Variants in PLCXD3 observed in about 807,000 individuals in gnomAD.
PLCXD3 encodes phosphatidylinositol specific phospholipase C X domain containing 3.
In PLCXD3, 19 loss-of-function variants were observed where a neutral mutation model predicts 25.5. That is an observed-to-expected ratio of 0.75 (90% CI 0.52 to 1.09). PLCXD3 has a LOEUF of 1.09. Among genes scored for constraint, PLCXD3 ranks in the 50% least tolerant of loss-of-function variants. The probability of loss-of-function intolerance (pLI) is 0.00; values close to 1 mark genes in which losing one functional copy is unlikely to be tolerated. For synonymous variants in PLCXD3, 174 were observed against 137.6 expected, an observed-to-expected ratio of 1.26 and a Z score of -1.85; for missense variants, 411 against 388.1, an observed-to-expected ratio of 1.06 and a Z score of -0.50.
chr5:41,476,252 G>C (rs1048346344), intron 1 of PLCXD3, among the ~76,000 whole-genome samples: 1 of 152,186 alleles, frequency 6.6e-6, no homozygotes, highest in Non-Finnish European at 1.5e-5. Flanking sequence ...TAGCAGGCCT[G>C]ATTGCTATCC....
intron 1 of PLCXD3, among the ~76,000 whole-genome samples, chr5:41,502,072 G>A (rs1748963231): frequency 6.6e-6 from 1 of 152,094 alleles, no homozygotes; most frequent in African/African-American, 2.4e-5. Flanking sequence ...TCCCATAGAG[G>A]TGGAGAAAAC....
At chr5:41,337,088 A>G (rs1744004097) in intron 2 of PLCXD3, among the ~76,000 whole-genome samples, 2 of 152,120 alleles carry the variant, frequency 1.3e-5, no homozygotes, top group Admixed American at 6.6e-5. Flanking sequence ...AAATGCCACC[A>G]GGGTAGGTTT....
chr5:41,376,496 C>T (rs773391094), intron 2 of PLCXD3, among the ~76,000 whole-genome samples: 163 of 152,092 alleles, frequency 1.1e-3, no homozygotes, highest in Non-Finnish European at 1.6e-3. Flanking sequence ...ACTTTTTCCT[C>T]GACTCATCCC....
Position 41,350,366 on chromosome 5 carries a change from T to G in PLCXD3, c.812+31460A>C, listed in dbSNP as rs531535851. On this transcript the variant is annotated intron_variant, in intron 2 of 2. Coordinates refer to ENST00000377801, the MANE Select transcript of PLCXD3 (RefSeq NM_001005473.3). ...TCTTCATCTTCTCTCTGATTCTTTT[T>G]CTTTACTTGCCCTGTTTCTCCATTC... is the stretch of plus-strand genomic sequence containing the variant. Among the ~76,000 whole-genome samples, 26 of 152,326 alleles carry G rather than the reference T, an allele frequency of 1.7e-4. 1 individual carries two copies. The South Asian group carries it at 5.2e-3, about 30-fold the overall frequency.
At chr5:41,377,788 C>A (rs1235288919) in intron 2 of PLCXD3, among the ~76,000 whole-genome samples, 4 of 151,994 alleles carry the variant, frequency 2.6e-5, no homozygotes, top group Non-Finnish European at 5.9e-5. Context: ...TTTTGTTAAT[C>A]CAAATATTAG....
At chr5:41,490,807 T>A in intron 1 of PLCXD3, among the ~76,000 whole-genome samples, 1 of 152,356 alleles carries the variant, frequency 6.6e-6, no homozygotes, top group East Asian at 1.9e-4. Flanking sequence ...TTACTGCATC[T>A]ATTTGATTCT....
rs568795077 is a variant in PLCXD3 at position 41,435,045 on chromosome 5, G to A, written c.104-52511C>T. ...CATATAGTGTCACCATTCAAAGCAA[G>A]TATCAGTATTTCAGCATATAGAATT... On this transcript the variant is annotated intron_variant, in intron 1 of 2. Coordinates refer to ENST00000377801, the MANE Select transcript of PLCXD3 (RefSeq NM_001005473.3). Among the ~76,000 whole-genome samples the A allele has an allele frequency of 7.2e-5, 11 of 152,330 alleles. No individual in the cohort carries two copies. In the Middle Eastern group the frequency reaches 0.027, roughly 377 times the overall value.
At chr5:41,351,151 G>C (rs1346383383) in intron 2 of PLCXD3, among the ~76,000 whole-genome samples, 1 of 151,998 alleles carries the variant, frequency 6.6e-6, no homozygotes, top group Non-Finnish European at 1.5e-5. Context: ...AGGCAAACTT[G>C]TTCTAATTTT....
chr5:41,372,668 G>T lies in PLCXD3; in HGVS notation c.812+9158C>A, dbSNP rs558197968. ...TGGTACAGAATCTTCTTCCTTCTGA[G>T]AAATAAAAATTAAATCTTGAGCCCC... On this transcript the variant is annotated intron_variant, in intron 2 of 2. Transcript: ENST00000377801. 1.6e-4 allele frequency among the ~76,000 whole-genome samples: 24 copies of T among 152,064 alleles called. No homozygotes were observed. The South Asian group carries it at 3.7e-3, about 24-fold the overall frequency.
chr5:41,405,925 G>A (rs2150501489), intron 1 of PLCXD3, among the ~76,000 whole-genome samples: 1 of 152,128 alleles, frequency 6.6e-6, no homozygotes. Flanking sequence ...CCAGCAAAAT[G>A]CCATTGATGA....
chr5:41,455,320 CTTTCA>C (rs1173748190), intron 1 of PLCXD3, among the ~76,000 whole-genome samples: 2 of 151,878 alleles, frequency 1.3e-5, no homozygotes, highest in Admixed American at 6.6e-5. Context: ...TAATTGAGGA[CTTTCA>C]TTTATTTATT....
rs145568644 is a variant in PLCXD3, at chr5:41,314,847, T to C, written c.813-1077A>G. Among the ~76,000 whole-genome samples the C allele has an allele frequency of 7.5e-3, 1,139 of 152,274 alleles. 11 individuals are homozygous for C. Among genetic ancestry groups the C allele is most frequent in the African/African-American group, 0.025 (1,052 of 41,564 alleles). ...ATCTTGAGCAGAGGAGTGGTGTGATTTGACTTTCACTATAAGAGCTCATTC... is the reference window on the plus strand; with the variant it reads ...ATCTTGAGCAGAGGAGTGGTGTGATCTGACTTTCACTATAAGAGCTCATTC... On this transcript the variant is annotated intron_variant, in intron 2 of 2. Coordinates refer to ENST00000377801, the MANE Select transcript of PLCXD3 (RefSeq NM_001005473.3).
intron 1 of PLCXD3, among the ~76,000 whole-genome samples, chr5:41,454,456 TC>T (rs1747706801): frequency 6.6e-6 from 1 of 151,980 alleles, no homozygotes; most frequent in Non-Finnish European, 1.5e-5. Flanking sequence ...GCTAGCTAAC[TC>T]CCTGGAGTCT....
At chr5:41,389,497 G>A (rs1172458996) in intron 1 of PLCXD3, among the ~76,000 whole-genome samples, 1 of 152,118 alleles carries the variant, frequency 6.6e-6, no homozygotes, top group Admixed American at 6.6e-5. Context: ...TGCAACAGAA[G>A]TCAAATATCC....
intron 1 of PLCXD3, among the ~76,000 whole-genome samples, chr5:41,497,841 C>A (rs1178988988): frequency 3.3e-5 from 5 of 151,762 alleles, no homozygotes; most frequent in Non-Finnish European, 7.4e-5. Flanking sequence ...CTTCAAGTAT[C>A]TTCTTCAAGT....
At chr5:41,459,254 C>G (rs748292841) in intron 1 of PLCXD3, among the ~76,000 whole-genome samples, 10 of 151,724 alleles carry the variant, frequency 6.6e-5, no homozygotes, top group Non-Finnish European at 1.0e-4. Context: ...TTTGATTCTT[C>G]CTAATATAAA....
intron 2 of PLCXD3, among the ~76,000 whole-genome samples, chr5:41,358,652 GAGT>G (rs1744687022): frequency 6.6e-6 from 1 of 152,158 alleles, no homozygotes; most frequent in Non-Finnish European, 1.5e-5. Context: ...TTTTATGGCT[GAGT>G]AGTATTCCAG....
chr5:41,432,637 A>G lies in PLCXD3; in HGVS notation c.104-50103T>C, dbSNP rs1747145443. ...AGAGCCAGCTTCCAAGAGGAAGGGCACCATGTTGTAATGCCTGAGCACCCA... is the reference window on the plus strand; with the variant it reads ...AGAGCCAGCTTCCAAGAGGAAGGGCGCCATGTTGTAATGCCTGAGCACCCA... On this transcript the variant is annotated intron_variant, in intron 1 of 2. Transcript: ENST00000377801. Among the ~76,000 whole-genome samples the G allele has an allele frequency of 3.9e-5, 6 of 152,358 alleles. No homozygotes were observed. In the South Asian group the frequency reaches 1.2e-3, roughly 32 times the overall value.
intron 2 of PLCXD3, among the ~76,000 whole-genome samples, chr5:41,336,867 GT>G (rs1743997831): frequency 6.6e-6 from 1 of 152,090 alleles, no homozygotes; most frequent in Non-Finnish European, 1.5e-5. Flanking sequence ...TCCCATAGGT[GT>G]TGATCCCAAG....
Sources: allele counts gnomAD v4.1 joint callset (sites outside exome capture counted in the v4.1 genomes callset), GRCh38; gene constraint gnomAD v4.1.1; transcripts MANE v1.5; gene names NCBI Gene and HGNC (gene_info 2026-07-23, HGNC 2026-07-21).